POLR2I: variants seen among roughly 807,000 people sequenced by gnomAD.
POLR2I encodes DNA-directed RNA polymerase II subunit RPB9.
POLR2I carries 15 observed loss-of-function variants against 23.0 expected under a neutral mutation model. That is an observed-to-expected ratio of 0.65 (90% CI 0.44 to 1.00). The LOEUF is 1.00. POLR2I is among the 50% of genes least tolerant of loss of function. The pLI, the probability that POLR2I is intolerant of heterozygous loss-of-function variation, is 0.00. For missense variants in POLR2I, 120 were observed against 173.7 expected, an observed-to-expected ratio of 0.69 and a Z score of 1.74; for synonymous variants, 72 against 65.4, an observed-to-expected ratio of 1.10 and a Z score of -0.49.
Position 36,114,032 on chromosome 19 carries a change from G to A in POLR2I, c.298C>T (p.His100Tyr). 3 of 1,614,020 alleles carry A rather than the reference G, an allele frequency of 1.9e-6. No individual in the cohort carries two copies. The highest frequency in any genetic ancestry group is 2.5e-6 in the Non-Finnish European group (3 of 1,179,994). ...GHKEAVFFQS[H>Y]SARAEDAMRL... Reference sequence around the variant, plus strand: ...CCACTTACCTCGGCCCGCGCACTGTGTGACTGGAAGAACACAGCCTCCTTG... The same window carrying A: ...CCACTTACCTCGGCCCGCGCACTGTATGACTGGAAGAACACAGCCTCCTTG... The change falls in exon 5 of 6, where the codon CAC becomes TAC. Residue 100 changes from histidine (H) to tyrosine (Y), a missense_variant. Coordinates refer to ENST00000221859, the MANE Select transcript of POLR2I (RefSeq NM_006233.5). This position sits in a 1 kb window ranked among gnomAD's most constrained non-coding sequence, Gnocchi z 4.5.
Position 36,113,734 on chromosome 19 carries a change from A to T in POLR2I, c.*21T>A. On this transcript the variant is annotated 3_prime_UTR_variant, in exon 6 of 6. Transcript: ENST00000221859. The stretch of plus-strand genomic sequence containing the variant: ...TCACGCATGGAATCTGGTGTTTATT[A>T]CACTCGGGGGAGAGAGGAGGTCACT... 2 of 1,611,798 alleles carry T rather than the reference A, an allele frequency of 1.2e-6. No individual in the cohort carries two copies. The highest frequency in any genetic ancestry group is 1.7e-6 in the Non-Finnish European group (2 of 1,179,010).
chr19:36,114,532 G>C lies in POLR2I; in HGVS notation c.115-120C>G, dbSNP rs1198168083. 2.3e-6 allele frequency: 3 copies of C among 1,290,102 alleles called. No individual in the cohort carries two copies. Among genetic ancestry groups the C allele is most frequent in the East Asian group, 2.3e-5 (1 of 43,034 alleles). 79.9% of individuals were successfully genotyped at this position (1,290,102 alleles called of 1,614,324 possible). ...CAGGACTCTCTTTGGGGATGGGCAG[G>C]ACATGAGAGTCAGGATCACTTGAGG... On this transcript the variant is annotated intron_variant, in intron 2 of 5. Coordinates refer to ENST00000221859, the MANE Select transcript of POLR2I (RefSeq NM_006233.5). This position sits in a 1 kb window ranked among gnomAD's most constrained non-coding sequence, Gnocchi z 4.5.
chr19:36,114,302 CA>C lies in POLR2I; in HGVS notation c.188+36del. On this transcript the variant is annotated intron_variant, in intron 3 of 5. Transcript: ENST00000221859. The surrounding 1 kb of genome is among the most constrained non-coding windows in gnomAD (Gnocchi z 4.5). ...TACGCTCAGACCCAGCCTCCAGAGC[CA>C]ACACCCCCGCCCCCAGCTCAGGGCC... 1 of 1,612,592 alleles carries C rather than the reference CA, an allele frequency of 6.2e-7. No individual in the cohort carries two copies. The highest frequency in any genetic ancestry group is 8.5e-7 in the Non-Finnish European group (1 of 1,179,156).
chr19:36,113,863 G>GC, intron 5 of POLR2I, 46 bp from the exon 6 acceptor site: 2 of 1,604,316 alleles, frequency 1.2e-6, no homozygotes, highest in Non-Finnish European at 1.7e-6. Flanking sequence ...ACCCAGCAGC[G>GC]CCTTACCCCA....
chr19:36,113,992 T>G lies in POLR2I; in HGVS notation c.315+23A>C, dbSNP rs1478187266. Reference sequence around the variant, plus strand: ...AAGGACCAAACAAGCCCCAGATACTTAGAAAGCCCTCGCGCCACTTACCTC... The same window carrying G: ...AAGGACCAAACAAGCCCCAGATACTGAGAAAGCCCTCGCGCCACTTACCTC... On this transcript the variant is annotated intron_variant, in intron 5 of 5. Transcript: ENST00000221859. 4 of 1,612,006 alleles carry G rather than the reference T, an allele frequency of 2.5e-6. No homozygotes were observed. The African/African-American group carries it at 5.4e-5, about 22-fold the overall frequency.
chr19:36,114,352 T>G lies in POLR2I; in HGVS notation c.175A>C (p.Thr59Pro). Residue 59 changes from threonine to proline, a missense_variant, in exon 3 of 6, where the codon ACG becomes CCG. Transcript: ENST00000221859. The surrounding 1 kb of genome is among the most constrained non-coding windows in gnomAD (Gnocchi z 4.5). ...DNSCIYVNKI[T>P]HEVDELTQII... ...CCCGCCACTCACTCCACTTCGTGCG[T>G]GATCTTGTTGACATAGATGCAGCTG... is the stretch of plus-strand genomic sequence containing the variant. The G allele has an allele frequency of 6.2e-7, 1 of 1,614,110 alleles. No individual in the cohort carries two copies. Among genetic ancestry groups the G allele is most frequent in the Non-Finnish European group, 8.5e-7 (1 of 1,180,010 alleles).
intron 5 of POLR2I, 96 bp from the exon 6 acceptor site, chr19:36,113,913 C>CG: frequency 6.3e-7 from 1 of 1,574,926 alleles, no homozygotes; most frequent in Non-Finnish European, 8.7e-7. Flanking sequence ...GGTAAGGGCC[C>CG]GGCAGAGTTC....
In POLR2I at chr19:36,114,151, C is replaced by T. The variant is rs368480740; in HGVS notation, c.263+26G>A. On this transcript the variant is annotated intron_variant, in intron 4 of 5. Transcript: ENST00000221859. The surrounding 1 kb of genome is among the most constrained non-coding windows in gnomAD (Gnocchi z 4.5). Reference sequence around the variant, plus strand: ...AGTGAGGAGACGAGCCTCACTTTACCTCCCCAGTACCAGCTGAACGCTCAC... The same window carrying T: ...AGTGAGGAGACGAGCCTCACTTTACTTCCCCAGTACCAGCTGAACGCTCAC... The T allele has an allele frequency of 3.7e-6, 6 of 1,613,902 alleles. No homozygotes were observed. The highest frequency in any genetic ancestry group is 1.3e-5 in the African/African-American group (1 of 74,928).
Position 36,114,574 on chromosome 19 carries a change from C to G in POLR2I, c.114+85G>C. The stretch of plus-strand genomic sequence containing the variant: ...CACTTGAGGTGCAGCGGAGGGCGAA[C>G]AGGGAGTCCGATCACAGAGGCAGGG... On this transcript the variant is annotated intron_variant, in intron 2 of 5. Transcript: ENST00000221859. This position sits in a 1 kb window ranked among gnomAD's most constrained non-coding sequence, Gnocchi z 4.5. 7.2e-7 allele frequency: 1 copy of G among 1,395,954 alleles called. No homozygotes were observed. Among genetic ancestry groups the G allele is most frequent in the South Asian group, 1.2e-5 (1 of 83,584 alleles). The allele number at this position is 1,395,954 out of a possible 1,614,324, so 86.5% of individuals were successfully genotyped here.
At position 36,114,702 on chromosome 19, in the gene POLR2I, A is replaced by G. The variant is rs752334905; in HGVS notation, c.71T>C (p.Leu24Pro). Residue 24 changes from leucine to proline, a missense_variant, in exon 2 of 6, where the codon CTG (leucine) becomes CCG (proline). Transcript: ENST00000221859. This position sits in a 1 kb window ranked among gnomAD's most constrained non-coding sequence, Gnocchi z 4.5. ...IRFCQECNNM[L>P]YPKEDKENRI... is the part of the protein sequence containing the mutation. ...GTTCTCCTTGTCTTCCTTGGGGTACAGCATGTTGTTACTGTGGGGAGGGGG... is the reference window on the plus strand; with the variant it reads ...GTTCTCCTTGTCTTCCTTGGGGTACGGCATGTTGTTACTGTGGGGAGGGGG... 14 of 1,612,888 alleles carry G rather than the reference A, an allele frequency of 8.7e-6. No homozygotes were observed. The East Asian group carries it at 2.9e-4, about 33-fold the overall frequency.
chr19:36,113,915 G>A (rs890551167), intron 5 of POLR2I, 98 bp from the exon 6 acceptor site: 1 of 1,574,210 alleles, frequency 6.4e-7, no homozygotes. Context: ...TAAGGGCCCG[G>A]CAGAGTTCCA....
chr19:36,114,565 G>A lies in POLR2I; in HGVS notation c.114+94C>T. On this transcript the variant is annotated intron_variant, in intron 2 of 5. Coordinates refer to ENST00000221859, the MANE Select transcript of POLR2I (RefSeq NM_006233.5). This position sits in a 1 kb window ranked among gnomAD's most constrained non-coding sequence, Gnocchi z 4.5. The stretch of plus-strand genomic sequence containing the variant: ...AGTCAGGATCACTTGAGGTGCAGCG[G>A]AGGGCGAACAGGGAGTCCGATCACA... 6 of 1,356,932 alleles carry A rather than the reference G, an allele frequency of 4.4e-6. No individual in the cohort carries two copies. Among genetic ancestry groups the A allele is most frequent in the Non-Finnish European group, 6.3e-6 (6 of 958,976 alleles). 84.1% of individuals were successfully genotyped at this position (1,356,932 alleles called of 1,614,324 possible).
At position 36,114,861 on chromosome 19, in the gene POLR2I, A is replaced by ACGCGCAGCC. The variant is rs754167789; in HGVS notation, c.-14_-6dup. On this transcript the variant is annotated 5_prime_UTR_variant, in exon 1 of 6. Transcript: ENST00000221859. The surrounding 1 kb of genome is among the most constrained non-coding windows in gnomAD (Gnocchi z 4.5). ...GTAAGTCCCGTCGGGCTCCATGGCG[A>ACGCGCAGCC]CGCGCAGCCCGCGCAGCCCTCCCAG... 131 of 1,612,994 alleles carry ACGCGCAGCC rather than the reference A, an allele frequency of 8.1e-5. No individual in the cohort carries two copies. The highest frequency in any genetic ancestry group is 1.8e-4 in the Middle Eastern group (1 of 5,554).
At chr19:36,113,877 G>C (rs1436077855) in intron 5 of POLR2I, 60 bp from the exon 6 acceptor site, 13 of 1,598,714 alleles carry the variant, frequency 8.1e-6, no homozygotes, top group Admixed American at 1.7e-5. Context: ...TACCCCAAAA[G>C]AACAGGCAAG....
At chr19:36,113,859 C>T (rs368104936) in intron 5 of POLR2I, 42 bp from the exon 6 acceptor site, 7 of 1,605,848 alleles carry the variant, frequency 4.4e-6, no homozygotes, top group Non-Finnish European at 5.1e-6. Context: ...TTGGACCCAG[C>T]AGCGCCTTAC....
At chr19:36,113,855 C>G in intron 5 of POLR2I, 38 bp from the exon 6 acceptor site, 1 of 1,608,078 alleles carries the variant, frequency 6.2e-7, no homozygotes, top group South Asian at 1.1e-5. Flanking sequence ...GGATTTGGAC[C>G]CAGCAGCGCC....
chr19:36,113,862 C>T, intron 5 of POLR2I, 45 bp from the exon 6 acceptor site: 5 of 1,604,784 alleles, frequency 3.1e-6, no homozygotes, highest in Non-Finnish European at 4.3e-6. Flanking sequence ...GACCCAGCAG[C>T]GCCTTACCCC....
At position 36,114,399 on chromosome 19, in the gene POLR2I, T is replaced by C. The variant is rs1258837665; in HGVS notation, c.128A>G (p.Asp43Gly). ...RILLYACRNC[D>G]YQQEADNSCI... Reference sequence around the variant, plus strand: ...GCTGTTGTCGGCCTCCTGCTGGTAATCACAGTTCCGGCACTACGAGAGGGC... The same window carrying C: ...GCTGTTGTCGGCCTCCTGCTGGTAACCACAGTTCCGGCACTACGAGAGGGC... The change falls in exon 3 of 6, where the codon GAT becomes GGT. Residue 43 changes from aspartate (D) to glycine (G), a missense_variant. By Grantham distance (94) the Asp-to-Gly change is moderately conservative (BLOSUM62 -1). Transcript: ENST00000221859. The surrounding 1 kb of genome is among the most constrained non-coding windows in gnomAD (Gnocchi z 4.5). 2 of 1,613,906 alleles carry C rather than the reference T, an allele frequency of 1.2e-6. No individual in the cohort carries two copies. The highest frequency in any genetic ancestry group is 8.5e-7 in the Non-Finnish European group (1 of 1,179,966).
intron 5 of POLR2I, 33 bp downstream of exon 5, chr19:36,113,982 C>A (rs1459472932): frequency 6.2e-7 from 1 of 1,612,208 alleles, no homozygotes; most frequent in African/African-American, 1.3e-5. Flanking sequence ...CCAAACAAGC[C>A]CCAGATACTT....
Sources: gnomAD v4.1 joint callset for allele counts on GRCh38, gnomAD v4.1.1 for gene constraint, Gnocchi (gnomAD v3.1) non-coding constraint, MANE v1.5 for transcripts, NCBI Gene and HGNC (gene_info 2026-07-23, HGNC 2026-07-21) for gene names.